USH2A: variants seen among roughly 807,000 people sequenced by gnomAD.
USH2A encodes usherin.
A neutral mutation model predicts 538.9 loss-of-function variants in USH2A; 443 were observed. The observed-to-expected ratio is 0.82, with a 90% CI of 0.76 to 0.89. The LOEUF is 0.89. Ranked by LOEUF, USH2A falls within the 40% of genes least tolerant of loss-of-function variation. USH2A has a pLI of 0.00. For missense variants in USH2A, 6,633 were observed against 6,324.8 expected, an observed-to-expected ratio of 1.05 and a Z score of -1.65; for synonymous variants, 2,413 against 2,273.5, an observed-to-expected ratio of 1.06 and a Z score of -1.75.
rs78250390 is a variant in USH2A at position 215,900,085 on chromosome 1, G to A, written c.7584C>T (p.Thr2528=). Residue 2528 remains threonine, a synonymous_variant, in exon 40 of 72, where the codon ACC becomes ACT. Coordinates refer to ENST00000307340, the MANE Select transcript of USH2A (RefSeq NM_206933.4). ...GTTCAGACCACTTACTGTCCTCTGCGGTCATGAATGGAATCCAAGAACTAT... is the reference window on the plus strand; with the variant it reads ...GTTCAGACCACTTACTGTCCTCTGCAGTCATGAATGGAATCCAAGAACTAT... ...SAHSSWIPFM[T]AEDKPGPVVP... is the part of the protein sequence containing the mutation. 3,124 of 1,613,542 alleles carry A rather than the reference G, an allele frequency of 1.9e-3. 44 individuals carry two copies. The African/African-American group carries it at 0.032, about 17-fold the overall frequency.
At chr1:215,896,877 G>T (rs1258123226) in intron 40 of USH2A, among the ~76,000 whole-genome samples, 1 of 152,074 alleles carries the variant, frequency 6.6e-6, no homozygotes, top group Non-Finnish European at 1.5e-5. Flanking sequence ...TTATCTGGTT[G>T]CAACCAGTTA....
intron 51 of USH2A, among the ~76,000 whole-genome samples, chr1:215,789,657 A>G (rs1433504425): frequency 6.6e-6 from 1 of 152,194 alleles, no homozygotes. Flanking sequence ...TAAGGTCTCT[A>G]TCAAAGGAAA....
chr1:215,908,799 C>T (rs771631366), intron 38 of USH2A, among the ~76,000 whole-genome samples: 65 of 151,636 alleles, frequency 4.3e-4, no homozygotes, highest in Non-Finnish European at 4.7e-4. Flanking sequence ...AATGATGCAT[C>T]TTTAGGGACA....
chr1:216,393,043 C>T (rs1478184368), intron 3 of USH2A, among the ~76,000 whole-genome samples: 3 of 152,072 alleles, frequency 2.0e-5, no homozygotes, highest in Non-Finnish European at 4.4e-5. Context: ...TATCTATTGT[C>T]TTTTACATTA....
chr1:215,835,518 G>A (rs140921544), intron 47 of USH2A, among the ~76,000 whole-genome samples: 218 of 152,200 alleles, frequency 1.4e-3, no homozygotes, highest in Non-Finnish European at 2.5e-3. Flanking sequence ...AGTTTCTCCA[G>A]AGAATAAATG....
At chr1:215,943,178 T>C (rs961922091) in intron 37 of USH2A, among the ~76,000 whole-genome samples, 2 of 152,060 alleles carry the variant, frequency 1.3e-5, no homozygotes, top group African/African-American at 2.4e-5. Flanking sequence ...AAAAAAATAA[T>C]ATATCGAGTA....
chr1:215,763,909 A>G (rs949200792), intron 56 of USH2A, among the ~76,000 whole-genome samples: 2 of 152,166 alleles, frequency 1.3e-5, no homozygotes, highest in African/African-American at 4.8e-5. Flanking sequence ...ATTTTATAAA[A>G]AATTATGTAT....
At chr1:215,797,558 C>T (rs1332217481) in intron 50 of USH2A, among the ~76,000 whole-genome samples, 1 of 152,064 alleles carries the variant, frequency 6.6e-6, no homozygotes, top group Non-Finnish European at 1.5e-5. Flanking sequence ...TCATTGACCA[C>T]TGCAAAAACT....
chr1:216,200,462 T>G (rs523689), intron 16 of USH2A, among the ~76,000 whole-genome samples: 147,906 of 152,316 alleles, frequency 0.97, 71,850 homozygotes, highest in East Asian at 1. Flanking sequence ...CTATGTAACT[T>G]GTTTGCTTGT....
chr1:216,100,243 T>G (rs2032545664), intron 21 of USH2A, among the ~76,000 whole-genome samples: 1 of 151,978 alleles, frequency 6.6e-6, no homozygotes, highest in Non-Finnish European at 1.5e-5. Flanking sequence ...ACTGAGGAAA[T>G]GAATGAGTAG....
At chr1:216,073,964 C>G (rs2031661245) in intron 27 of USH2A, among the ~76,000 whole-genome samples, 1 of 152,294 alleles carries the variant, frequency 6.6e-6, no homozygotes, top group African/African-American at 2.4e-5. Flanking sequence ...AAATGGTCAC[C>G]AGTTTTACAT....
chr1:216,411,308 C>A (rs933553087), intron 3 of USH2A, among the ~76,000 whole-genome samples: 11 of 152,158 alleles, frequency 7.2e-5, no homozygotes, highest in Admixed American at 2.6e-4. Flanking sequence ...GGATCCTATG[C>A]ATTCTTTTGA....
chr1:215,791,722 A>G (rs951881265), intron 50 of USH2A, among the ~76,000 whole-genome samples: 2 of 152,214 alleles, frequency 1.3e-5, no homozygotes, highest in African/African-American at 4.8e-5. Flanking sequence ...AAATTAATAC[A>G]AAGAGCAGGG....
intron 12 of USH2A, among the ~76,000 whole-genome samples, chr1:216,248,537 A>AAT (rs2036096896): frequency 6.6e-6 from 1 of 152,022 alleles, no homozygotes; most frequent in Admixed American, 6.6e-5. Context: ...GGAAATACAT[A>AAT]ATATATATGT....
chr1:215,908,981 T>G (rs923737739), intron 38 of USH2A, among the ~76,000 whole-genome samples: 2 of 149,248 alleles, frequency 1.3e-5, no homozygotes, highest in South Asian at 4.2e-4. Flanking sequence ...TATATATCTA[T>G]ATATACATAT....
chr1:216,326,887 TACA>T (rs1215734174), intron 5 of USH2A, among the ~76,000 whole-genome samples: 2 of 152,172 alleles, frequency 1.3e-5, no homozygotes, highest in Non-Finnish European at 2.9e-5. Flanking sequence ...AACTCATCCA[TACA>T]ACAATATACT....
intron 21 of USH2A, among the ~76,000 whole-genome samples, chr1:216,167,534 A>C (rs1471978049): frequency 6.6e-6 from 1 of 152,124 alleles, no homozygotes; most frequent in Non-Finnish European, 1.5e-5. Flanking sequence ...TTCAGTAAAC[A>C]CACTGGACAT....
intron 61 of USH2A, among the ~76,000 whole-genome samples, chr1:215,681,853 TATG>T (rs755859631): frequency 1.3e-4 from 20 of 152,224 alleles, no homozygotes; most frequent in Non-Finnish European, 2.5e-4. Context: ...TAAGTCCCAT[TATG>T]ATATTACACG....
intron 51 of USH2A, among the ~76,000 whole-genome samples, chr1:215,787,326 A>G (rs1661830097): frequency 6.6e-6 from 1 of 152,208 alleles, no homozygotes; most frequent in Non-Finnish European, 1.5e-5. Flanking sequence ...AATTTTAGAG[A>G]AAATAAAGAA....
Sources: allele counts gnomAD v4.1 joint callset (sites outside exome capture counted in the v4.1 genomes callset), GRCh38; gene constraint gnomAD v4.1.1; transcripts MANE v1.5; gene names NCBI Gene and HGNC (gene_info 2026-07-23, HGNC 2026-07-21).